TMX3: variants seen among roughly 807,000 people sequenced by gnomAD.
TMX3 encodes the protein thioredoxin related transmembrane protein 3, also known as protein disulfide-isomerase TMX3.
A neutral mutation model predicts 64.4 loss-of-function variants in TMX3; 40 were observed. The ratio of observed to expected loss-of-function variants is 0.62; its 90% confidence interval spans 0.48 to 0.81. The LOEUF (loss-of-function observed/expected upper bound fraction) is 0.81, where lower values mean the gene tolerates loss of function less well. Ranked by LOEUF, TMX3 falls within the 30% of genes least tolerant of loss-of-function variation. The pLI is 0.00. For synonymous variants in TMX3, 189 were observed against 175.7 expected (o/e 1.08, Z -0.60); for missense variants, 497 against 534.5 (o/e 0.93, Z 0.69).
At chr18:68,690,237 G>C (rs1914384677) in intron 9 of TMX3, among the ~76,000 whole-genome samples, 1 of 152,022 alleles carries the variant, frequency 6.6e-6, no homozygotes, top group African/African-American at 2.4e-5. Flanking sequence ...TGAATGAATG[G>C]GTGTTCCCTA....
At chr18:68,687,588 A>G (rs567813125) in intron 10 of TMX3, 79 bp downstream of exon 10, 3 of 1,536,058 alleles carry the variant, frequency 2.0e-6, no homozygotes, top group African/African-American at 2.8e-5. Context: ...GCTTAAATTC[A>G]TTTCCTACAA....
intron 2 of TMX3, among the ~76,000 whole-genome samples, chr18:68,711,966 C>T (rs2031324125): frequency 6.6e-6 from 1 of 152,160 alleles, no homozygotes; most frequent in African/African-American, 2.4e-5. Context: ...CAGGCCCAAC[C>T]TTTAACTGTC....
chr18:68,714,999 G>A lies in TMX3; in HGVS notation c.-18C>T, dbSNP rs1229648179. On this transcript the variant is annotated 5_prime_UTR_variant, in exon 1 of 16. Transcript: ENST00000299608. ...GCTGCCATGCTAGCCCGGGAGAGCT[G>A]CAGAAGCTGACTGTGCAAAAGAGGG... 1 of 1,564,406 alleles carries A rather than the reference G, an allele frequency of 6.4e-7. No homozygotes were observed. The highest frequency in any genetic ancestry group is 1.2e-5 in the South Asian group (1 of 84,884).
chr18:68,713,063 A>G (rs2031448917), intron 2 of TMX3, among the ~76,000 whole-genome samples: 1 of 151,992 alleles, frequency 6.6e-6, no homozygotes, highest in African/African-American at 2.4e-5. Flanking sequence ...TCCCCATGAA[A>G]CAGCACCAGG....
chr18:68,697,750 A>G, intron 7 of TMX3, 182 bp downstream of exon 7: 1 of 527,042 alleles, frequency 1.9e-6, no homozygotes, highest in Non-Finnish European at 3.3e-6. Flanking sequence ...CTTCTGTTTC[A>G]TATAGGAAAA....
At chr18:68,694,692 A>C (rs75900883) in intron 8 of TMX3, among the ~76,000 whole-genome samples, 7,173 of 152,192 alleles carry the variant, frequency 0.047, 452 homozygotes, top group African/African-American at 0.14. Context: ...CGTGACATTA[A>C]TTTCCCCTCC....
At position 68,702,175 on chromosome 18, in the gene TMX3, CAAA is replaced by C. The variant is rs375234012; in HGVS notation, c.266-388_266-386del. Among the ~76,000 whole-genome samples, 178 of 44,042 alleles carry C rather than the reference CAAA, an allele frequency of 4.0e-3. No individual in the cohort carries two copies. The Middle Eastern group carries it at 0.083, about 21-fold the overall frequency. 28.9% of individuals were successfully genotyped at this position (44,042 alleles called of 152,430 possible). ...TCTTCTAGGTCTCATTTACTCCTCT[CAAA>C]AAAAAAAAAAAAAAAAAAAAAAAGC... On this transcript the variant is annotated intron_variant, in intron 4 of 15. Transcript: ENST00000299608.
chr18:68,681,502 T>C, intron 13 of TMX3: 2 of 984,188 alleles, frequency 2.0e-6, no homozygotes, highest in Non-Finnish European at 2.4e-6. Flanking sequence ...CATTATATCC[T>C]ACATCTGGTA....
At chr18:68,691,684 G>A (rs1914539409) in intron 8 of TMX3, among the ~76,000 whole-genome samples, 2 of 152,154 alleles carry the variant, frequency 1.3e-5, no homozygotes, top group Admixed American at 1.3e-4. Flanking sequence ...GTGATAATGA[G>A]CCACTTTACC....
At position 68,673,705 on chromosome 18, in the gene TMX3, CTTTA is replaced by C. The variant is rs981894156; in HGVS notation, c.*3224_*3227del. 16 of 152,084 alleles carry C rather than the reference CTTTA, an allele frequency of 1.1e-4. No homozygotes were observed. The highest frequency in any genetic ancestry group is 3.9e-4 in the African/African-American group (16 of 41,422). The allele number at this position is 152,084 out of a possible 1,614,324, so 9.4% of individuals were successfully genotyped here. A position where few individuals can be genotyped will look rare whatever the true frequency, so the allele number is the denominator to read the frequency against. On this transcript the variant is annotated 3_prime_UTR_variant, in exon 16 of 16. Transcript: ENST00000299608. ...AGAAACAATTGCAGGTTTTCAATTA[CTTTA>C]TTTTAGAAAAACAAAGGTTTACAAT...
At chr18:68,684,381 G>A (rs750175313) in intron 11 of TMX3, 47 bp downstream of exon 11, 1 of 1,566,614 alleles carries the variant, frequency 6.4e-7, no homozygotes, top group Admixed American at 1.7e-5. Context: ...AAGCCATATA[G>A]TCTGAAATGA....
Position 68,702,175 on chromosome 18 carries a change from C to CAAAAAAAAAAA in TMX3, c.266-396_266-386dup, listed in dbSNP as rs375234012. Among the ~76,000 whole-genome samples the CAAAAAAAAAAA allele has an allele frequency of 2.7e-4, 12 of 44,058 alleles. 1 individual carries two copies. Among genetic ancestry groups the CAAAAAAAAAAA allele is most frequent in the African/African-American group, 8.3e-4 (11 of 13,208 alleles). 28.9% of individuals were successfully genotyped at this position (44,058 alleles called of 152,430 possible). On this transcript the variant is annotated intron_variant, in intron 4 of 15. Transcript: ENST00000299608. ...TCTTCTAGGTCTCATTTACTCCTCTCAAAAAAAAAAAAAAAAAAAAAAAAA... is the reference window on the plus strand; with the variant it reads ...TCTTCTAGGTCTCATTTACTCCTCTCAAAAAAAAAAAAAAAAAAAAAAAAAAAAAAAAAAAA...
intron 6 of TMX3, among the ~76,000 whole-genome samples, chr18:68,699,197 ATACT>A (rs1481514950): frequency 1.3e-5 from 2 of 152,180 alleles, no homozygotes; most frequent in Non-Finnish European, 2.9e-5. Context: ...CTCAATTTTA[ATACT>A]TAGTAACTAA....
At chr18:68,703,791 G>A (rs534922041) in intron 4 of TMX3, among the ~76,000 whole-genome samples, 22 of 152,142 alleles carry the variant, frequency 1.4e-4, no homozygotes, top group African/African-American at 4.1e-4. Context: ...TTAGTCGCGC[G>A]CGGTGGCGGG....
chr18:68,703,005 C>T (rs1349391996), intron 4 of TMX3, among the ~76,000 whole-genome samples: 2 of 152,146 alleles, frequency 1.3e-5, no homozygotes, highest in Non-Finnish European at 2.9e-5. Context: ...AGATACAGGT[C>T]CTGCTTCTGA....
intron 14 of TMX3, among the ~76,000 whole-genome samples, chr18:68,679,955 T>A (rs1156887105): frequency 1.3e-5 from 2 of 152,266 alleles, no homozygotes; most frequent in African/African-American, 4.8e-5. Flanking sequence ...TGAAAATCAC[T>A]CAAATCCTAT....
chr18:68,678,674 G>T (rs1382762509), intron 15 of TMX3, among the ~76,000 whole-genome samples: 2 of 152,080 alleles, frequency 1.3e-5, no homozygotes, highest in African/African-American at 4.8e-5. Context: ...AAATAATCAG[G>T]TGAGAGGTGA....
chr18:68,696,780 A>C (rs1052742124), intron 8 of TMX3, among the ~76,000 whole-genome samples: 2 of 151,842 alleles, frequency 1.3e-5, no homozygotes. Flanking sequence ...CCTGGCCTTT[A>C]ATTTGTTTTT....
Position 68,684,257 on chromosome 18 carries a change from A to T in TMX3, c.795-14T>A. 1.2e-6 allele frequency: 2 copies of T among 1,606,694 alleles called. No individual in the cohort carries two copies. Among genetic ancestry groups the T allele is most frequent in the Non-Finnish European group, 1.7e-6 (2 of 1,174,260 alleles). Reference sequence around the variant, plus strand: ...ATTGACTTCAATCTGTAGAAGAACAAACATATGAATAGTTCATCTCTGCAC... The same window carrying T: ...ATTGACTTCAATCTGTAGAAGAACATACATATGAATAGTTCATCTCTGCAC... On this transcript the variant is annotated splice_polypyrimidine_tract_variant and intron_variant, in intron 11 of 15. Transcript: ENST00000299608.
Sources: allele counts gnomAD v4.1 joint callset (sites outside exome capture counted in the v4.1 genomes callset), GRCh38; gene constraint gnomAD v4.1.1; transcripts MANE v1.5; gene names NCBI Gene and HGNC (gene_info 2026-07-23, HGNC 2026-07-21).